The following MYH16 variants were observed in gnomAD, a reference collection of about 807,000 sequenced individuals.
MYH16 encodes the protein myosin heavy chain 16, also known as putative uncharacterized protein MYH16.
intron 30 of MYH16, among the ~76,000 whole-genome samples, chr7:99,290,486 C>CA (rs57166125): frequency 0.13 from 7,100 of 55,304 alleles, 832 homozygotes; most frequent in African/African-American, 0.33. Context: ...GACCCTGTCT[C>CA]AAAAAAAAAA....
At chr7:99,304,928 G>A (rs1246844144) in intron 40 of MYH16, among the ~76,000 whole-genome samples, 172 bp downstream of exon 21, 3 of 152,170 alleles carry the variant, frequency 2.0e-5, no homozygotes, top group East Asian at 1.9e-4. Flanking sequence ...GCTCACGCCC[G>A]TAATCCTAAT....
At chr7:99,295,595 G>A (rs1275085344) in intron 33 of MYH16, among the ~76,000 whole-genome samples, 1 of 152,088 alleles carries the variant, frequency 6.6e-6, no homozygotes. Flanking sequence ...TGGCCGTGAG[G>A]AGCCACATGC....
intron 2 of MYH16, among the ~76,000 whole-genome samples, chr7:99,244,691 C>A (rs1023957533): frequency 6.6e-6 from 1 of 152,212 alleles, no homozygotes; most frequent in Non-Finnish European, 1.5e-5. Flanking sequence ...TCTCTGAAAT[C>A]TCTTGAAGAT....
At chr7:99,302,750 G>A (rs925747206) in intron 38 of MYH16, among the ~76,000 whole-genome samples, 3 of 151,716 alleles carry the variant, frequency 2.0e-5, no homozygotes, top group African/African-American at 4.8e-5. Flanking sequence ...GTGTGGTGGT[G>A]TGCATCTGTA....
At chr7:99,250,257 G>A (rs954131729) in intron 5 of MYH16, among the ~76,000 whole-genome samples, 3 of 152,198 alleles carry the variant, frequency 2.0e-5, no homozygotes, top group African/African-American at 7.2e-5. Context: ...ATAGATCAAG[G>A]TCTCCTCCCC....
At chr7:99,277,937 GACAGACAGACAGACAGACAGACAGAC>G (rs1792141394) in intron 21 of MYH16, among the ~76,000 whole-genome samples, 1 of 120,094 alleles carries the variant, frequency 8.3e-6, no homozygotes, top group Admixed American at 9.6e-5. Flanking sequence ...GAGAGAGAGA[GACAGACAGACAGACAGACAGACAGAC>G]AGACAGACAG....
chr7:99,240,477 A>G (rs1300465692), intron 1 of MYH16, among the ~76,000 whole-genome samples: 1 of 152,196 alleles, frequency 6.6e-6, no homozygotes, highest in East Asian at 1.9e-4. Flanking sequence ...ACAAAACAAA[A>G]ACAAAAAACA....
At chr7:99,259,511 T>A (rs1454602025) in intron 11 of MYH16, among the ~76,000 whole-genome samples, 1 of 151,790 alleles carries the variant, frequency 6.6e-6, no homozygotes, top group Non-Finnish European at 1.5e-5. Flanking sequence ...CAGGCTGGAG[T>A]ACAATGGTGC....
At chr7:99,265,195 T>C (rs1239974570) in intron 16 of MYH16, 1 of 152,582 alleles carries the variant, frequency 6.6e-6, no homozygotes, top group African/African-American at 2.4e-5. Context: ...ATCGGGTATG[T>C]TGTGGGGTCA....
intron 21 of MYH16, among the ~76,000 whole-genome samples, chr7:99,278,196 G>C (rs1251474639): frequency 1.3e-5 from 2 of 151,990 alleles, no homozygotes; most frequent in Non-Finnish European, 2.9e-5. Flanking sequence ...TCCTATTTCG[G>C]CCTCCCAAAG....
At chr7:99,252,989 G>A (rs1217896604) in intron 7 of MYH16, 2 of 152,264 alleles carry the variant, frequency 1.3e-5, no homozygotes, top group Non-Finnish European at 2.9e-5. Context: ...TTTCAGGCCA[G>A]GCGAGGTGGC....
At chr7:99,260,364 G>A in intron 12 of MYH16, 1 of 978,324 alleles carries the variant, frequency 1.0e-6, no homozygotes. Flanking sequence ...AGGGATTGGA[G>A]AGAGGCCAGG....
intron 34 of MYH16, among the ~76,000 whole-genome samples, 181 bp downstream of exon 15, chr7:99,297,098 A>G (rs1013042135): frequency 6.6e-6 from 1 of 152,118 alleles, no homozygotes; most frequent in Non-Finnish European, 1.5e-5. Context: ...ACTTTAGGCG[A>G]GTTGCTTAAT....
intron 1 of MYH16, among the ~76,000 whole-genome samples, chr7:99,242,870 C>T (rs1180348857): frequency 6.6e-6 from 1 of 152,212 alleles, no homozygotes; most frequent in African/African-American, 2.4e-5. Flanking sequence ...CCAAGAGTCA[C>T]ATCTCTGCAA....
In MYH16 at chr7:99,285,378, C is replaced by A. The variant is rs1177606015; in HGVS notation, n.3317-4C>A. On this transcript the variant is annotated splice_polypyrimidine_tract_variant and splice_region_variant and intron_variant and non_coding_transcript_variant, in intron 26 of 41. Coordinates refer to ENST00000439784, the Ensembl canonical transcript of MYH16. The stretch of plus-strand genomic sequence containing the variant: ...ATGAATCCCCTCCCTCCTCTGTCTG[C>A]TAGGACCGAATTGAAGAGCTGGAAG... 1 of 456,706 alleles carries A rather than the reference C, an allele frequency of 2.2e-6. No homozygotes were observed. Among genetic ancestry groups the A allele is most frequent in the Non-Finnish European group, 4.4e-6 (1 of 226,974 alleles). 28.3% of individuals were successfully genotyped at this position (456,706 alleles called of 1,614,324 possible).
rs898693118 is a variant in MYH16 at position 99,276,977 on chromosome 7, AAG to A, written n.2486-555_2486-554del. ...AGAAACAGAAACACGGAGAGAGAAA[AAG>A]AGAGAGCAGAGCAACAGAGACTGAG... On this transcript the variant is annotated intron_variant and non_coding_transcript_variant, in intron 20 of 41. Transcript: ENST00000439784. Among the ~76,000 whole-genome samples the A allele has an allele frequency of 5.9e-5, 9 of 151,856 alleles. No homozygotes were observed. In the East Asian group the frequency reaches 7.7e-4, roughly 13 times the overall value.
intron 41 of MYH16, 53 bp from the exon 23 acceptor site, chr7:99,306,556 T>C (rs558501718): frequency 6.6e-6 from 1 of 152,596 alleles, no homozygotes; most frequent in South Asian, 2.1e-4. Context: ...AATGCACACT[T>C]AACCAGAACC....
At chr7:99,297,826 G>T (rs1792524811) in intron 35 of MYH16, 30 bp downstream of exon 16, 1 of 456,622 alleles carries the variant, frequency 2.2e-6, no homozygotes. Flanking sequence ...CTTGGGGACT[G>T]TGGACCCTTG....
At chr7:99,248,254 A>C (rs1266635841) in intron 3 of MYH16, among the ~76,000 whole-genome samples, 1 of 152,204 alleles carries the variant, frequency 6.6e-6, no homozygotes, top group Non-Finnish European at 1.5e-5. Context: ...GGCATGTGCC[A>C]CCACACCCAG....
Sources: gnomAD v4.1 joint callset for allele counts (sites outside exome capture counted in the v4.1 genomes callset) on GRCh38, gnomAD v4.1.1 for gene constraint, MANE v1.5 for transcripts, NCBI Gene and HGNC (gene_info 2026-07-23, HGNC 2026-07-21) for gene names.